Variants in ANKRD35 observed in about 807,000 individuals in gnomAD.
ANKRD35 encodes the protein ankyrin repeat domain-containing protein 35.
Under a neutral mutation model 109.9 loss-of-function variants are expected in ANKRD35, and 102 were observed. The ratio of observed to expected loss-of-function variants is 0.93; its 90% CI spans 0.79 to 1.09. The LOEUF (loss-of-function observed/expected upper bound fraction) is 1.09, where lower values mean the gene tolerates loss of function less well. Among genes scored for constraint, ANKRD35 ranks in the 50% least tolerant of loss-of-function variants. The pLI, the probability that ANKRD35 is intolerant of heterozygous loss-of-function variation, is 0.00. For synonymous variants in ANKRD35, 515 were observed against 512.4 expected (o/e 1.01, Z -0.07); for missense variants, 1,240 against 1,230.1 (o/e 1.01, Z -0.12).
Position 145,872,309 on chromosome 1 carries a change from T to C in ANKRD35, c.2460A>G (p.Glu820=). 1.2e-6 allele frequency: 2 copies of C among 1,613,238 alleles called. No homozygotes were observed. Among genetic ancestry groups the C allele is most frequent in the Non-Finnish European group, 1.7e-6 (2 of 1,179,720 alleles). Residue 820 remains glutamate, a synonymous_variant, in exon 10 of 14, where the codon GAA becomes GAG. Coordinates refer to ENST00000355594, the MANE Select transcript of ANKRD35 (RefSeq NM_144698.5). ...LKQLLYQATE[E]VAELRAREAA... is the part of the protein sequence containing the mutation. ...CCTCCCGGGCCCTTAGCTCAGCCACTTCCTCTGTGGCTTGGTAGAGCAGCT... is the reference window on the plus strand; with the variant it reads ...CCTCCCGGGCCCTTAGCTCAGCCACCTCCTCTGTGGCTTGGTAGAGCAGCT...
intron 10 of ANKRD35, 121 bp downstream of exon 10, chr1:145,871,861 C>A: frequency 7.8e-7 from 1 of 1,279,730 alleles, no homozygotes; most frequent in Non-Finnish European, 1.1e-6. Context: ...AGGACTGGTG[C>A]TCCGTTTGGG....
Position 145,876,857 on chromosome 1 carries a change from T to C in ANKRD35, c.341A>G (p.Asp114Gly). 1 of 1,614,036 alleles carries C rather than the reference T, an allele frequency of 6.2e-7. No individual in the cohort carries two copies. Among genetic ancestry groups the C allele is most frequent in the Non-Finnish European group, 8.5e-7 (1 of 1,180,016 alleles). Residue 114 changes from aspartate to glycine, a missense_variant, in exon 5 of 14, where the codon GAT (aspartate) becomes GGT (glycine). Transcript: ENST00000355594. ...ACTACGGTTTTCTGCATCCACAGCA[T>C]CTTCATTAGCACCATGCTGCAAATG... ...KVLLQHGANE[D>G]AVDAENRSPL... is the part of the protein sequence containing the mutation.
Position 145,872,186 on chromosome 1 carries a change from A to G in ANKRD35, c.2583T>C (p.Asn861=). The G allele has an allele frequency of 6.2e-7, 1 of 1,610,278 alleles. No individual in the cohort carries two copies. Among genetic ancestry groups the G allele is most frequent in the Non-Finnish European group, 8.5e-7 (1 of 1,178,528 alleles). The change falls in exon 10 of 14, where the codon AAT becomes AAC. Residue 861 remains asparagine, a synonymous_variant. Coordinates refer to ENST00000355594, the MANE Select transcript of ANKRD35 (RefSeq NM_144698.5). ...GCCGACCCACTTCCCGGCAGGCCGT[A>G]TTATACTTTTCCAACAGAGCCTTTA... ...QELKALLEKY[N]TACREVGRLR...
intron 4 of ANKRD35, 71 bp downstream of exon 4, chr1:145,877,897 T>A (rs1654141015): frequency 6.9e-7 from 1 of 1,459,846 alleles, no homozygotes; most frequent in Non-Finnish European, 9.6e-7. Context: ...CTTTTAAGTA[T>A]GAAATGAAGT....
At position 145,868,357 on chromosome 1, in the gene ANKRD35, A is replaced by G; in HGVS notation, c.2831T>C (p.Val944Ala). 6.2e-7 allele frequency: 1 copy of G among 1,614,134 alleles called. No homozygotes were observed. Among genetic ancestry groups the G allele is most frequent in the Non-Finnish European group, 8.5e-7 (1 of 1,180,020 alleles). The change falls in exon 11 of 14, where the codon GTT becomes GCT. Residue 944 changes from valine (V) to alanine (A), a missense_variant. Coordinates refer to ENST00000355594, the MANE Select transcript of ANKRD35 (RefSeq NM_144698.5). ...LKKLEQLSEE[V>A]LAIRGENARL... ...AGCATTTTCTCCCCGAATTGCTAGA[A>G]CCTCTTCTGAAAGCTGCTCCAGCTT...
rs78601926 is a variant in ANKRD35, at chr1:145,873,912, T to C, written c.857A>G (p.Glu286Gly). ...SWRAEPEEEQEEKEDEDPCSE... is the reference protein window; with the variant it reads ...SWRAEPEEEQGEKEDEDPCSE... ...GCACGGGTCTTCATCCTCCTTCTCC[T>C]CTTGCTCCTCTTCAGGCTCTGCTCT... Residue 286 changes from glutamate to glycine, a missense_variant, in exon 10 of 14, where the codon GAG (glutamate) becomes GGG (glycine). By Grantham distance (98) the Glu-to-Gly change is moderately conservative. Transcript: ENST00000355594. The C allele has an allele frequency of 5.1e-3, 8,174 of 1,614,146 alleles. 380 individuals carry two copies. In the African/African-American group the frequency reaches 0.097, roughly 19 times the overall value.
chr1:145,873,294 A>G lies in ANKRD35; in HGVS notation c.1475T>C (p.Leu492Pro), dbSNP rs781910812. 6.2e-7 allele frequency: 1 copy of G among 1,614,172 alleles called. No individual in the cohort carries two copies. The highest frequency in any genetic ancestry group is 8.5e-7 in the Non-Finnish European group (1 of 1,180,018). ...AGCAAGCTCCTCCCTTAGTTGAAGC[A>G]GAAGCTGGTTCATGGCTGCTGGGCC... ...PVGPAAMNQL[L>P]LQLREELAAV... The change falls in exon 10 of 14, where the codon CTG becomes CCG. Residue 492 changes from leucine (L) to proline (P), a missense_variant. Leu to Pro is a moderately conservative substitution (Grantham distance 98, BLOSUM62 -3). Transcript: ENST00000355594.
rs782084286 is a variant in ANKRD35 at position 145,873,091 on chromosome 1, C to G, written c.1678G>C (p.Glu560Gln). ...WAKAGLQVKP[E>Q]VPSQESREGA... ...TCTCTGGACTCCTGGGAAGGAACCTCAGGTTTCACCTGTAGTCCTGCCTTT... is the reference window on the plus strand; with the variant it reads ...TCTCTGGACTCCTGGGAAGGAACCTGAGGTTTCACCTGTAGTCCTGCCTTT... The change falls in exon 10 of 14, where the codon GAG (glutamate) becomes CAG (glutamine). Residue 560 changes from glutamate (E) to glutamine (Q), a missense_variant. Physicochemically the swap from Glu to Gln is conservative, Grantham distance 29. Transcript: ENST00000355594. 6.2e-7 allele frequency: 1 copy of G among 1,613,210 alleles called. No homozygotes were observed. The highest frequency in any genetic ancestry group is 2.2e-5 in the East Asian group (1 of 44,850).
At chr1:145,874,718 G>T in intron 8 of ANKRD35, 104 bp downstream of exon 8, 1 of 1,317,576 alleles carries the variant, frequency 7.6e-7, no homozygotes, top group Non-Finnish European at 1.0e-6. Flanking sequence ...TCTCAACCCA[G>T]GTGACAATTA....
At chr1:145,871,319 C>T (rs1251321614) in intron 10 of ANKRD35, among the ~76,000 whole-genome samples, 3 of 151,750 alleles carry the variant, frequency 2.0e-5, no homozygotes, top group African/African-American at 4.8e-5. Flanking sequence ...GCCCGCACCA[C>T]GCCCAGCTAA....
chr1:145,884,723 A>G (rs920906485), intron 1 of ANKRD35, among the ~76,000 whole-genome samples: 6 of 36,102 alleles, frequency 1.7e-4, no homozygotes, highest in Non-Finnish European at 2.0e-4. Context: ...TCTCATCATC[A>G]CTTTCCCCCA....
At chr1:145,878,961 A>T (rs587613660) in intron 2 of ANKRD35, among the ~76,000 whole-genome samples, 3 of 152,330 alleles carry the variant, frequency 2.0e-5, no homozygotes, top group South Asian at 4.1e-4. Flanking sequence ...TTGTGCAATG[A>T]AGAAACACTC....
At chr1:145,867,162 A>G (rs1653635111) in intron 13 of ANKRD35, 125 bp downstream of exon 13, 3 of 637,194 alleles carry the variant, frequency 4.7e-6, no homozygotes, top group African/African-American at 1.8e-5. Context: ...CAAATGCTCT[A>G]TGCCCCAAAA....
Position 145,867,979 on chromosome 1 carries a change from C to T in ANKRD35, c.2943+12G>A, listed in dbSNP as rs1275481470. The T allele has an allele frequency of 1.2e-6, 2 of 1,613,748 alleles. No homozygotes were observed. The highest frequency in any genetic ancestry group is 2.7e-5 in the African/African-American group (2 of 74,902). On this transcript the variant is annotated intron_variant, in intron 12 of 13. Transcript: ENST00000355594. ...TATGTCTATACCTCCCTCAAAACTC[C>T]ACCATGCTCACCCGAGCAGCATTCA... is the stretch of plus-strand genomic sequence containing the variant.
intron 1 of ANKRD35, among the ~76,000 whole-genome samples, chr1:145,885,466 G>A (rs1654443533): frequency 6.6e-6 from 1 of 152,020 alleles, no homozygotes; most frequent in South Asian, 2.1e-4. Context: ...CAGAAATCGG[G>A]GGTGTAGATG....
rs782275395 is a variant in ANKRD35, at chr1:145,873,778, G to C, written c.991C>G (p.Leu331Val). 9 of 1,610,994 alleles carry C rather than the reference G, an allele frequency of 5.6e-6. No individual in the cohort carries two copies. The highest frequency in any genetic ancestry group is 7.6e-6 in the Non-Finnish European group (9 of 1,178,518). Residue 331 changes from leucine (L) to valine (V), a missense_variant, in exon 10 of 14, where the codon CTG (leucine) becomes GTG (valine). Leu to Val is a conservative substitution (Grantham distance 32). Transcript: ENST00000355594. ...TCTCGAATCTGGTTCTCAAGGTCCA[G>C]ATAGGCTGCAGCTTGAGTCTTACAC... Reference protein sequence around the residue: ...EECKTQAAAYLDLENQIREQA... With the variant: ...EECKTQAAAYVDLENQIREQA...
At chr1:145,867,841 C>T in intron 12 of ANKRD35, 150 bp downstream of exon 12, 3 of 713,934 alleles carry the variant, frequency 4.2e-6, no homozygotes, top group Non-Finnish European at 7.3e-6. Context: ...CTTGATCTAC[C>T]AAATGAGATC....
intron 1 of ANKRD35, among the ~76,000 whole-genome samples, chr1:145,879,768 G>T (rs1362206015): frequency 6.6e-6 from 1 of 152,194 alleles, no homozygotes; most frequent in Non-Finnish European, 1.5e-5. Flanking sequence ...TGGAGCAAAT[G>T]GAACCAACGT....
chr1:145,867,485 A>G (rs1163725845), intron 12 of ANKRD35, 93 bp from the exon 13 acceptor site: 49 of 1,060,008 alleles, frequency 4.6e-5, no homozygotes, highest in Non-Finnish European at 6.5e-5. Flanking sequence ...GTGGAAGGCT[A>G]TTTATTTACT....
Sources: allele counts gnomAD v4.1 joint callset (sites outside exome capture counted in the v4.1 genomes callset), GRCh38; gene constraint gnomAD v4.1.1; transcripts MANE v1.5; gene names NCBI Gene and HGNC (gene_info 2026-07-23, HGNC 2026-07-21).